SHC2: variants seen among roughly 807,000 people sequenced by gnomAD.
SHC2 encodes SHC adaptor protein 2, also known as SHC-transforming protein 2.
A neutral mutation model predicts 60.6 loss-of-function variants in SHC2; 62 were observed. That is an observed-to-expected ratio of 1.02 (90% confidence interval 0.83 to 1.26). The LOEUF (loss-of-function observed/expected upper bound fraction) is 1.26, where lower values mean the gene tolerates loss of function less well. Among genes scored for constraint, SHC2 ranks in the 50% most tolerant of loss-of-function variants. SHC2 has a pLI of 0.00. For missense variants in SHC2, 873 were observed against 822.2 expected, an observed-to-expected ratio of 1.06 and a Z score of -0.76; for synonymous variants, 375 against 372.4, an observed-to-expected ratio of 1.01 and a Z score of -0.08.
intron 12 of SHC2, among the ~76,000 whole-genome samples, chr19:418,232 C>G (rs72970204): frequency 6.6e-6 from 1 of 152,182 alleles, no homozygotes. Flanking sequence ...CCCAGCCCAC[C>G]GTCCTCTCCG....
intron 1 of SHC2, among the ~76,000 whole-genome samples, chr19:458,292 C>CGGGGAGGCGGAAGCGGGTCTT (rs1678527840): frequency 2.1e-5 from 2 of 94,280 alleles, no homozygotes; most frequent in Non-Finnish European, 4.3e-5. Context: ...AAGTGGGTCC[C>CGGGGAGGCGGAAGCGGGTCTT]GGGGAGGCGG....
intron 8 of SHC2, among the ~76,000 whole-genome samples, chr19:431,275 C>T (rs1223655158): frequency 6.6e-6 from 1 of 151,620 alleles, no homozygotes; most frequent in African/African-American, 2.4e-5. Context: ...ATAGATGGCG[C>T]TTCATCGTGA....
At chr19:455,376 G>T (rs758609313) in intron 1 of SHC2, among the ~76,000 whole-genome samples, 2 of 152,230 alleles carry the variant, frequency 1.3e-5, no homozygotes, top group African/African-American at 4.8e-5. Context: ...ATGGGTGGAA[G>T]CCGCAGGGTT....
chr19:423,934 G>A (rs1974344721), intron 10 of SHC2, among the ~76,000 whole-genome samples: 2 of 152,206 alleles, frequency 1.3e-5, no homozygotes, highest in African/African-American at 4.8e-5. Flanking sequence ...CCATCTGAGG[G>A]CTGCTGTGAG....
At position 436,369 on chromosome 19, in the gene SHC2, G is replaced by T. The variant is rs558372905; in HGVS notation, c.826+11C>A. 12 of 1,595,224 alleles carry T rather than the reference G, an allele frequency of 7.5e-6. No individual in the cohort carries two copies. Among genetic ancestry groups the T allele is most frequent in the Non-Finnish European group, 1.0e-5 (12 of 1,167,632 alleles). On this transcript the variant is annotated intron_variant, in intron 6 of 12. Transcript: ENST00000264554. ...CCACAGGACCCCCACCGGCCTCCCC[G>T]GGGGCCTCACCTCTCTGGTTGATGG... is the stretch of plus-strand genomic sequence containing the variant.
Position 450,370 on chromosome 19 carries a change from A to C in SHC2, c.469-9438T>G, listed in dbSNP as rs946557878. On this transcript the variant is annotated intron_variant, in intron 1 of 12. Transcript: ENST00000264554. ...AAAACACACATAACATAAAATTTAG[A>C]GTTTTGACTGTCTTTAATCGCACGG... Among the ~76,000 whole-genome samples, 6 of 152,104 alleles carry C rather than the reference A, an allele frequency of 3.9e-5. 1 individual carries two copies. Among genetic ancestry groups the C allele is most frequent in the Non-Finnish European group, 8.8e-5 (6 of 68,024 alleles).
At chr19:437,783 C>T (rs756361582) in intron 4 of SHC2, among the ~76,000 whole-genome samples, 10 of 151,976 alleles carry the variant, frequency 6.6e-5, no homozygotes, top group Non-Finnish European at 1.3e-4. Context: ...AAACTCCTCA[C>T]GATGATCCAT....
chr19:443,330 ATGGGTG>A (rs1974957231), intron 1 of SHC2, among the ~76,000 whole-genome samples: 6 of 134,078 alleles, frequency 4.5e-5, no homozygotes, highest in East Asian at 2.5e-4. Context: ...GGATGGATGG[ATGGGTG>A]GATGGATGTG....
intron 1 of SHC2, among the ~76,000 whole-genome samples, chr19:456,346 G>A (rs1159156548): frequency 6.8e-6 from 1 of 148,148 alleles, no homozygotes; most frequent in Non-Finnish European, 1.5e-5. Context: ...CTCCCTGGGG[G>A]CCAGGGCCCC....
chr19:420,960 G>A (rs1974254265), intron 11 of SHC2, among the ~76,000 whole-genome samples: 2 of 152,116 alleles, frequency 1.3e-5, no homozygotes, highest in Non-Finnish European at 2.9e-5. Flanking sequence ...TGAGGCAGGA[G>A]AATCGCTTGA....
Position 440,831 on chromosome 19 carries a change from C to G in SHC2, c.539+31G>C, listed in dbSNP as rs770158533. ...CCGCCCTCCAGTGCGTCACTCAGCC[C>G]TACGCGGCCAGGGCAGGGTTGGAGG... is the stretch of plus-strand genomic sequence containing the variant. On this transcript the variant is annotated intron_variant, in intron 2 of 12. Transcript: ENST00000264554. The surrounding 1 kb of genome is among the most constrained non-coding windows in gnomAD (Gnocchi z 7.0). 9 of 1,597,974 alleles carry G rather than the reference C, an allele frequency of 5.6e-6. No individual in the cohort carries two copies. Among genetic ancestry groups the G allele is most frequent in the Non-Finnish European group, 6.9e-6 (8 of 1,166,716 alleles).
chr19:436,787 A>G, intron 4 of SHC2, 104 bp from the exon 5 acceptor site: 1 of 1,134,654 alleles, frequency 8.8e-7, no homozygotes, highest in Non-Finnish European at 1.3e-6. Context: ...AGGGGCAGGG[A>G]TGTGGGGATG....
intron 1 of SHC2, among the ~76,000 whole-genome samples, chr19:442,952 T>TGGGTGGACGGATGGGTGGGGGAAGGGAG (rs1974937807): frequency 9.0e-6 from 1 of 110,516 alleles, no homozygotes; most frequent in Non-Finnish European, 1.8e-5. Context: ...GGTGAATGGA[T>TGGGTGGACGGATGGGTGGGGGAAGGGAG]GGATGGACGG....
chr19:427,372 C>T (rs1323645592), intron 9 of SHC2, among the ~76,000 whole-genome samples: 2 of 152,122 alleles, frequency 1.3e-5, no homozygotes, highest in African/African-American at 4.8e-5. Flanking sequence ...GAGAAGGGCT[C>T]GTGGGAACGA....
At position 460,574 on chromosome 19, in the gene SHC2, G is replaced by A. The variant is rs1334274726; in HGVS notation, c.423C>T (p.His141=). Residue 141 remains histidine, a synonymous_variant, in exon 1 of 13, where the codon CAC becomes CAT. Coordinates refer to ENST00000264554, the MANE Select transcript of SHC2 (RefSeq NM_012435.3). ...FIHKPAHGWL[H]PDARVLGPGV... ...CGGGCCCCAGGACCCTGGCGTCGGG[G>A]TGTAGCCAGCCGTGCGCGGGTTTGT... The A allele has an allele frequency of 4.9e-6, 7 of 1,417,032 alleles. No individual in the cohort carries two copies. Among genetic ancestry groups the A allele is most frequent in the Non-Finnish European group, 6.5e-6 (7 of 1,079,648 alleles). The allele number at this position is 1,417,032 out of a possible 1,614,324, so 87.8% of individuals were successfully genotyped here.
chr19:454,619 T>G (rs1311231076), intron 1 of SHC2, among the ~76,000 whole-genome samples: 1 of 152,094 alleles, frequency 6.6e-6, no homozygotes, highest in African/African-American at 2.4e-5. Context: ...AAACCCCATC[T>G]CTACTGAAAA....
rs561810149 is a variant in SHC2 at position 440,819 on chromosome 19, C to G, written c.539+43G>C. The G allele has an allele frequency of 1.3e-6, 2 of 1,552,372 alleles. No individual in the cohort carries two copies. Among genetic ancestry groups the G allele is most frequent in the African/African-American group, 2.7e-5 (2 of 73,464 alleles). ...CCTCCAGTGCTGCCGCCCTCCAGTGCGTCACTCAGCCCTACGCGGCCAGGG... is the reference window on the plus strand; with the variant it reads ...CCTCCAGTGCTGCCGCCCTCCAGTGGGTCACTCAGCCCTACGCGGCCAGGG... On this transcript the variant is annotated intron_variant, in intron 2 of 12. Transcript: ENST00000264554. This position sits in a 1 kb window ranked among gnomAD's most constrained non-coding sequence, Gnocchi z 7.0.
rs1343380679 is a variant in SHC2, at chr19:440,857, C to T, written c.539+5G>A. ...TACGCGGCCAGGGCAGGGTTGGAGG[C>T]TCACCTGGTCACCTGCGTGCGCGTG... On this transcript the variant is annotated splice_donor_5th_base_variant and intron_variant, in intron 2 of 12. Coordinates refer to ENST00000264554, the MANE Select transcript of SHC2 (RefSeq NM_012435.3). This position sits in a 1 kb window ranked among gnomAD's most constrained non-coding sequence, Gnocchi z 7.0. 3.0e-5 allele frequency: 48 copies of T among 1,612,014 alleles called. No homozygotes were observed. The highest frequency in any genetic ancestry group is 3.9e-5 in the Non-Finnish European group (46 of 1,179,424).
Position 438,878 on chromosome 19 carries a change from G to A in SHC2, c.601-41C>T, listed in dbSNP as rs552580222. The A allele has an allele frequency of 9.6e-6, 15 of 1,554,914 alleles. No individual in the cohort carries two copies. In the Admixed American group the frequency reaches 9.7e-5, roughly 10 times the overall value. On this transcript the variant is annotated intron_variant, in intron 3 of 12. Coordinates refer to ENST00000264554, the MANE Select transcript of SHC2 (RefSeq NM_012435.3). This position sits in a 1 kb window ranked among gnomAD's most constrained non-coding sequence, Gnocchi z 5.0. ...AGCACAGCGAGGGCGGCTGTGGGTG[G>A]GGGCTGTCGAGGGGCTCCCAGGATG... is the stretch of plus-strand genomic sequence containing the variant.
Sources: allele counts gnomAD v4.1 joint callset (sites outside exome capture counted in the v4.1 genomes callset), GRCh38; gene constraint gnomAD v4.1.1; non-coding constraint Gnocchi (gnomAD v3.1); transcripts MANE v1.5; gene names NCBI Gene and HGNC (gene_info 2026-07-23, HGNC 2026-07-21).